Variants in RANBP2 observed in about 807,000 individuals in gnomAD.
RANBP2 encodes the protein RAN binding protein 2.
In RANBP2, 57 loss-of-function variants were observed where a neutral mutation model predicts 303.6. The observed-to-expected ratio is 0.19, with a 90% CI of 0.15 to 0.23. The LOEUF (loss-of-function observed/expected upper bound fraction) is 0.23, where lower values mean the gene tolerates loss of function less well. Among genes scored for constraint, RANBP2 ranks in the 10% least tolerant of loss-of-function variants. RANBP2 has a pLI of 1.00. For synonymous variants in RANBP2, 1,167 were observed against 1,301.5 expected (o/e 0.90, Z 2.23); for missense variants, 3,138 against 3,780.8 (o/e 0.83, Z 4.46).
the RANBP2 span, among the ~76,000 whole-genome samples, chr2:109,119,461 G>A: frequency 6.6e-6 from 1 of 152,164 alleles, no homozygotes; most frequent in Non-Finnish European, 1.5e-5. Flanking sequence ...CTTCTGCCAA[G>A]ACAAGAATTC....
rs144573168 is a variant in RANBP2, at chr2:108,758,448, C to G, written c.2502C>G (p.Asn834Lys). The G allele has an allele frequency of 2.1e-4, 338 of 1,611,504 alleles. 1 individual carries two copies. In the African/African-American group the frequency reaches 3.6e-3, roughly 17 times the overall value. Residue 834 changes from asparagine to lysine, a missense_variant, in exon 18 of 29, where the codon AAC becomes AAG. Asn to Lys is a moderately conservative substitution (Grantham distance 94). This residue lies in a region of RANBP2 where 194 missense variants were observed against 197.4 expected (regional missense o/e 0.98). Transcript: ENST00000283195. ...AGGAGTTGAAACTAAATAGCAGTAA[C>G]TCAGCATCCCCTCATCGTTGGCCCA... ...EMQELKLNSS[N>K]SASPHRWPTE...
At chr2:108,897,089 C>T in the RANBP2 span, 108 of 1,614,052 alleles carry the variant, frequency 6.7e-5, no homozygotes, top group Non-Finnish European at 8.1e-5. Flanking sequence ...GTCATGCCCC[C>T]AATCTCATCC....
At chr2:109,460,951 T>C in the RANBP2 span, among the ~76,000 whole-genome samples, 1 of 152,224 alleles carries the variant, frequency 6.6e-6, no homozygotes, top group Non-Finnish European at 1.5e-5. Flanking sequence ...TTTCAGGTGG[T>C]GCCTGCATAT....
At chr2:108,795,804 G>C in the RANBP2 span, among the ~76,000 whole-genome samples, 1 of 152,128 alleles carries the variant, frequency 6.6e-6, no homozygotes, top group Non-Finnish European at 1.5e-5. Flanking sequence ...GCATTTATTA[G>C]CCTGTCTGGA....
the RANBP2 span, among the ~76,000 whole-genome samples, chr2:109,370,143 A>G: frequency 2.0e-5 from 3 of 152,132 alleles, no homozygotes; most frequent in Non-Finnish European, 4.4e-5. Context: ...AGGTTCGCCA[A>G]AGGCCCCTTG....
chr2:109,743,646 A>G, the RANBP2 span, among the ~76,000 whole-genome samples: 2 of 114,302 alleles, frequency 1.7e-5, no homozygotes, highest in African/African-American at 5.7e-5. Flanking sequence ...TTTAGTTTTG[A>G]TTCAGTGGAT....
chr2:109,082,744 G>T, the RANBP2 span, among the ~76,000 whole-genome samples: 1 of 152,142 alleles, frequency 6.6e-6, no homozygotes, highest in East Asian at 1.9e-4. Flanking sequence ...GAGGTTGGGA[G>T]TTGGAGGCTG....
the RANBP2 span, among the ~76,000 whole-genome samples, chr2:108,902,396 C>CA: frequency 1.3e-3 from 202 of 151,972 alleles, 6 homozygotes; most frequent in South Asian, 0.041. Flanking sequence ...CAAAACAAAA[C>CA]AAAAAAACCT....
chr2:108,891,318 C>A, the RANBP2 span, among the ~76,000 whole-genome samples: 2 of 152,168 alleles, frequency 1.3e-5, no homozygotes, highest in African/African-American at 4.8e-5. Context: ...AAATTTCTTT[C>A]ATAGAAGAAG....
the RANBP2 span, among the ~76,000 whole-genome samples, chr2:109,238,007 A>G: frequency 2.0e-5 from 3 of 152,186 alleles, no homozygotes; most frequent in African/African-American, 7.2e-5. Context: ...GGAGTTCAAA[A>G]TCAGCCTGGG....
chr2:109,569,945 G>A, the RANBP2 span, among the ~76,000 whole-genome samples: 1 of 151,976 alleles, frequency 6.6e-6, no homozygotes, highest in African/African-American at 2.4e-5. Context: ...GGCAAGATGA[G>A]GTCAGCAAGG....
chr2:109,040,426 G>T, the RANBP2 span, among the ~76,000 whole-genome samples: 1 of 152,062 alleles, frequency 6.6e-6, no homozygotes, highest in Non-Finnish European at 1.5e-5. Context: ...TTTGAAGAGT[G>T]CTCGACTCTG....
the RANBP2 span, among the ~76,000 whole-genome samples, chr2:108,939,311 G>A: frequency 6.6e-6 from 1 of 151,856 alleles, no homozygotes; most frequent in East Asian, 1.9e-4. Context: ...CTCAGCCTCC[G>A]TAGTAGCTGG....
At chr2:109,193,849 G>T in the RANBP2 span, among the ~76,000 whole-genome samples, 1 of 152,180 alleles carries the variant, frequency 6.6e-6, no homozygotes, top group Non-Finnish European at 1.5e-5. Context: ...GTCTCGTCTA[G>T]CCCCGGGGAT....
chr2:109,798,992 G>A, the RANBP2 span, among the ~76,000 whole-genome samples: 5,002 of 14,540 alleles, frequency 0.34, 19 homozygotes, highest in Non-Finnish European at 0.39. Context: ...GGGAACTGGC[G>A]GGCTCGGTGG....
the RANBP2 span, among the ~76,000 whole-genome samples, chr2:109,147,351 C>T: frequency 6.6e-6 from 1 of 152,194 alleles, no homozygotes; most frequent in African/African-American, 2.4e-5. Context: ...GAGACTATCT[C>T]TGCGCTGATA....
At chr2:108,775,076 C>T (rs1677781326) in intron 23 of RANBP2, among the ~76,000 whole-genome samples, 1 of 152,128 alleles carries the variant, frequency 6.6e-6, no homozygotes, top group African/African-American at 2.4e-5. Flanking sequence ...CTATAAGTTT[C>T]CTTCTAAGCA....
chr2:108,980,044 G>C, the RANBP2 span, among the ~76,000 whole-genome samples: 1 of 123,528 alleles, frequency 8.1e-6, no homozygotes, highest in African/African-American at 3.1e-5. Context: ...AGTGACCATG[G>C]ACACACTCAC....
the RANBP2 span, among the ~76,000 whole-genome samples, chr2:109,190,799 G>C: frequency 6.6e-6 from 1 of 151,924 alleles, no homozygotes; most frequent in Non-Finnish European, 1.5e-5. Flanking sequence ...CATAGACCCA[G>C]GCTCAAATTA....
Sources: allele counts gnomAD v4.1 joint callset (sites outside exome capture counted in the v4.1 genomes callset), GRCh38; gene constraint gnomAD v4.1.1; regional missense constraint gnomAD v4.1.1; transcripts MANE v1.5; gene names NCBI Gene and HGNC (gene_info 2026-07-23, HGNC 2026-07-21).